The following LNPK variants were observed in gnomAD, a reference collection of about 807,000 sequenced individuals.
The protein encoded by LNPK is endoplasmic reticulum junction formation protein lunapark.
In LNPK, 29 loss-of-function variants were observed where a neutral mutation model predicts 55.2. The observed-to-expected ratio is 0.53, with a 90% CI of 0.39 to 0.72. The LOEUF is 0.72. Ranked by LOEUF, LNPK falls within the 30% of genes least tolerant of loss-of-function variation. The probability of loss-of-function intolerance (pLI) is 0.00; values close to 1 mark genes in which losing one functional copy is unlikely to be tolerated. For missense variants in LNPK, 467 were observed against 494.8 expected (o/e 0.94, Z 0.53); for synonymous variants, 162 against 168.2 (o/e 0.96, Z 0.29).
At chr2:175,956,763 A>G (rs1685715074) in intron 8 of LNPK, among the ~76,000 whole-genome samples, 1 of 152,054 alleles carries the variant, frequency 6.6e-6, no homozygotes, top group Non-Finnish European at 1.5e-5. Flanking sequence ...AATCGTCTTA[A>G]ATTCCATAAT....
chr2:175,935,777 G>A (rs1684515741), intron 12 of LNPK: 2 of 967,110 alleles, frequency 2.1e-6, no homozygotes, highest in African/African-American at 1.8e-5. Context: ...GAGACGTCTG[G>A]GGTATTGCTC....
chr2:175,992,694 A>G (rs1390671964), intron 3 of LNPK, among the ~76,000 whole-genome samples: 1 of 152,160 alleles, frequency 6.6e-6, no homozygotes, highest in Non-Finnish European at 1.5e-5. Flanking sequence ...AGGGAATGAA[A>G]TTGGTATCGG....
rs143733911 is a variant in LNPK, at chr2:175,984,328, G to A, written c.258-4460C>T. Reference sequence around the variant, plus strand: ...CTAGTAGCTGGGATTACAGGCACGCGTCACCATGCCTCGCTAATTTTTGTA... The same window carrying A: ...CTAGTAGCTGGGATTACAGGCACGCATCACCATGCCTCGCTAATTTTTGTA... On this transcript the variant is annotated intron_variant, in intron 4 of 12. Transcript: ENST00000272748. 1.4e-3 allele frequency among the ~76,000 whole-genome samples: 207 copies of A among 151,970 alleles called. 6 individuals carry two copies. In the East Asian group the frequency reaches 0.037, roughly 27 times the overall value.
intron 8 of LNPK, among the ~76,000 whole-genome samples, chr2:175,956,213 G>A (rs182873090): frequency 9.3e-5 from 14 of 151,002 alleles, no homozygotes; most frequent in African/African-American, 2.7e-4. Flanking sequence ...CCAGGATGTT[G>A]AGGTCGCAGT....
chr2:175,942,153 A>G (rs1684881184), intron 9 of LNPK, among the ~76,000 whole-genome samples: 1 of 152,162 alleles, frequency 6.6e-6, no homozygotes, highest in Admixed American at 6.5e-5. Context: ...AAGAATCTAA[A>G]ACAGTTATCA....
chr2:175,935,361 T>C (rs913247111), intron 12 of LNPK, among the ~76,000 whole-genome samples: 10 of 152,148 alleles, frequency 6.6e-5, no homozygotes, highest in Non-Finnish European at 1.0e-4. Context: ...ATGATTGAGA[T>C]GATGTGGTCT....
chr2:175,964,696 A>C (rs1686240701), intron 6 of LNPK, 107 bp from the exon 7 acceptor site: 6 of 656,354 alleles, frequency 9.1e-6, no homozygotes, highest in Non-Finnish European at 1.6e-5. Context: ...TCCAAATAGA[A>C]TGAAAGACTT....
At chr2:175,951,443 C>T (rs1433120108) in intron 8 of LNPK, among the ~76,000 whole-genome samples, 3 of 151,738 alleles carry the variant, frequency 2.0e-5, no homozygotes, top group Admixed American at 6.6e-5. Flanking sequence ...AGCTTAGCTG[C>T]CACTTATGAG....
At chr2:175,938,601 T>G (rs1486553878) in intron 10 of LNPK, 1 of 340,580 alleles carries the variant, frequency 2.9e-6, no homozygotes, top group East Asian at 4.6e-5. Flanking sequence ...AATTTATACA[T>G]CAAATTTAAA....
In LNPK at chr2:175,928,979, G is replaced by T; in HGVS notation, c.*988C>A. On this transcript the variant is annotated 3_prime_UTR_variant, in exon 13 of 13. Coordinates refer to ENST00000272748, the MANE Select transcript of LNPK (RefSeq NM_030650.3). ...TGTTAACTAGAAAGGAAACAAGTCT[G>T]AATAAAAGTACCATAATTTGCTCTA... The T allele has an allele frequency of 6.2e-6, 2 of 320,386 alleles. No individual in the cohort carries two copies. Among genetic ancestry groups the T allele is most frequent in the Non-Finnish European group, 9.0e-6 (2 of 221,622 alleles). 19.8% of individuals were successfully genotyped at this position (320,386 alleles called of 1,614,324 possible).
chr2:175,955,213 T>C (rs1327698113), intron 8 of LNPK, among the ~76,000 whole-genome samples: 2 of 152,208 alleles, frequency 1.3e-5, no homozygotes, highest in Admixed American at 6.5e-5. Flanking sequence ...CCCTTGAAAT[T>C]GTACTCTGAC....
intron 12 of LNPK, among the ~76,000 whole-genome samples, chr2:175,933,992 T>C (rs1452126094): frequency 1.3e-5 from 2 of 152,148 alleles, no homozygotes; most frequent in African/African-American, 4.8e-5. Flanking sequence ...CCTCCCAAAG[T>C]GCTGGGATTA....
At chr2:175,932,021 T>C (rs1684302676) in intron 12 of LNPK, 1 of 365,834 alleles carries the variant, frequency 2.7e-6, no homozygotes, top group South Asian at 2.1e-5. Flanking sequence ...GTAAGCCTTC[T>C]GAAACAAACC....
At chr2:175,948,770 A>G (rs1685266631) in intron 8 of LNPK, among the ~76,000 whole-genome samples, 1 of 152,172 alleles carries the variant, frequency 6.6e-6, no homozygotes, top group South Asian at 2.1e-4. Flanking sequence ...CAGTTAAAGA[A>G]TTACATGAAA....
In LNPK at chr2:175,929,118, A is replaced by G. The variant is rs898487520; in HGVS notation, c.*849T>C. The G allele has an allele frequency of 1.0e-6, 1 of 985,282 alleles. No individual in the cohort carries two copies. Among genetic ancestry groups the G allele is most frequent in the Non-Finnish European group, 1.2e-6 (1 of 829,562 alleles). 61.0% of individuals were successfully genotyped at this position (985,282 alleles called of 1,614,324 possible). ...AAGACTAGATATTTAGCAAAATGAA[A>G]CTGATGCCAGATTATTTTCATTTTC... On this transcript the variant is annotated 3_prime_UTR_variant, in exon 13 of 13. Transcript: ENST00000272748.
At chr2:175,988,339 T>TAA (rs112567631) in intron 4 of LNPK, among the ~76,000 whole-genome samples, 4 of 145,428 alleles carry the variant, frequency 2.8e-5, no homozygotes, top group African/African-American at 5.0e-5. Context: ...CCATCTCTAC[T>TAA]AAAAAAAAAA....
intron 1 of LNPK, among the ~76,000 whole-genome samples, chr2:176,001,898 G>A (rs1020169083): frequency 6.6e-6 from 1 of 152,170 alleles, no homozygotes; most frequent in Non-Finnish European, 1.5e-5. Flanking sequence ...CAGCCCTAGA[G>A]GGGAAACAAG....
intron 8 of LNPK, among the ~76,000 whole-genome samples, chr2:175,951,081 G>A (rs1025242356): frequency 5.3e-5 from 8 of 151,880 alleles, no homozygotes; most frequent in Non-Finnish European, 8.8e-5. Flanking sequence ...ACAAATACTC[G>A]TCCCTTAATT....
rs1684152157 is a variant in LNPK, at chr2:175,929,257, A to G, written c.*710T>C. 1 of 959,508 alleles carries G rather than the reference A, an allele frequency of 1.0e-6. No homozygotes were observed. The highest frequency in any genetic ancestry group is 4.8e-5 in the South Asian group (1 of 20,800). The allele number at this position is 959,508 out of a possible 1,614,324, so 59.4% of individuals were successfully genotyped here. A position where few individuals can be genotyped will look rare whatever the true frequency, so the allele number is the denominator to read the frequency against. On this transcript the variant is annotated 3_prime_UTR_variant, in exon 13 of 13. Coordinates refer to ENST00000272748, the MANE Select transcript of LNPK (RefSeq NM_030650.3). ...AGTGCAGAAATATTTCCTATATGCT[A>G]GTGTGTAAATATAAACTAATTATAT...
Sources: gnomAD v4.1 joint callset for allele counts (sites outside exome capture counted in the v4.1 genomes callset) on GRCh38, gnomAD v4.1.1 for gene constraint, MANE v1.5 for transcripts, NCBI Gene and HGNC (gene_info 2026-07-23, HGNC 2026-07-21) for gene names.